SCAPER: variants seen among roughly 807,000 people sequenced by gnomAD.
SCAPER encodes the protein S-phase cyclin A associated protein in the ER, also known as S phase cyclin A-associated protein in the endoplasmic reticulum.
A neutral mutation model predicts 182.2 loss-of-function variants in SCAPER; 98 were observed. The ratio of observed to expected loss-of-function variants is 0.54; its 90% CI spans 0.46 to 0.64. SCAPER has a LOEUF of 0.64. SCAPER is among the 30% of genes least tolerant of loss of function. The pLI is 0.00. For synonymous variants in SCAPER, 605 were observed against 564.6 expected (o/e 1.07, Z -1.01); for missense variants, 1,432 against 1,690.0 (o/e 0.85, Z 2.68).
chr15:76,780,969 C>T (rs538713141), intron 8 of SCAPER, among the ~76,000 whole-genome samples: 7 of 152,106 alleles, frequency 4.6e-5, no homozygotes, highest in East Asian at 1.9e-4. Context: ...AAAACCAGAG[C>T]GCCTCTTCTC....
intron 31 of SCAPER, chr15:76,350,365 T>TG (rs1339487999): frequency 9.1e-6 from 1 of 110,334 alleles, no homozygotes; most frequent in East Asian, 2.7e-4. Context: ...TGTAGAGGAC[T>TG]TTGTGTGTGT....
At chr15:76,836,823 G>A (rs780735913) in intron 5 of SCAPER, among the ~76,000 whole-genome samples, 11 of 151,144 alleles carry the variant, frequency 7.3e-5, no homozygotes, top group African/African-American at 1.9e-4. Context: ...GTAGTGAGCC[G>A]AGATCTCACC....
chr15:76,838,354 C>T (rs35170561), intron 5 of SCAPER, among the ~76,000 whole-genome samples: 57,764 of 151,974 alleles, frequency 0.38, 13,036 homozygotes, highest in Middle Eastern at 0.53. Context: ...AGATTGAGTA[C>T]GCACAGAAAC....
intron 26 of SCAPER, among the ~76,000 whole-genome samples, chr15:76,422,884 GT>G (rs1467075961): frequency 1.2e-4 from 19 of 152,116 alleles, no homozygotes; most frequent in African/African-American, 4.6e-4. Context: ...TAATCATGTG[GT>G]TTTTGTCTTT....
At chr15:76,746,957 T>C (rs1434610635) in intron 15 of SCAPER, among the ~76,000 whole-genome samples, 1 of 152,202 alleles carries the variant, frequency 6.6e-6, no homozygotes, top group East Asian at 1.9e-4. Context: ...TAAAGATATG[T>C]AATCCCTAAC....
chr15:76,375,883 G>A (rs1028682123), intron 29 of SCAPER, among the ~76,000 whole-genome samples: 5 of 152,202 alleles, frequency 3.3e-5, no homozygotes, highest in Non-Finnish European at 5.9e-5. Flanking sequence ...TACTTGGGAG[G>A]CTGAGGCATG....
chr15:76,798,804 C>T (rs895618770), intron 7 of SCAPER, among the ~76,000 whole-genome samples: 1 of 152,018 alleles, frequency 6.6e-6, no homozygotes, highest in East Asian at 1.9e-4. Flanking sequence ...TACAAAACTG[C>T]CCTTCAAAAA....
At chr15:76,401,168 A>G (rs1205122458) in intron 27 of SCAPER, among the ~76,000 whole-genome samples, 1 of 152,140 alleles carries the variant, frequency 6.6e-6, no homozygotes, top group Non-Finnish European at 1.5e-5. Flanking sequence ...TATATCATAT[A>G]TAACAACCCT....
At chr15:76,598,657 T>C (rs2049685015) in intron 22 of SCAPER, among the ~76,000 whole-genome samples, 2 of 120,570 alleles carry the variant, frequency 1.7e-5, no homozygotes, top group African/African-American at 2.5e-5. Context: ...TACAGGGACA[T>C]AGATGAAGCT....
chr15:76,701,569 C>CAAAG (rs2058951171), intron 20 of SCAPER, among the ~76,000 whole-genome samples, 189 bp downstream of exon 20: 1 of 152,064 alleles, frequency 6.6e-6, no homozygotes, highest in Non-Finnish European at 1.5e-5. Context: ...TTTTTTCTAT[C>CAAAG]TTTCTTGTTA....
In SCAPER at chr15:76,574,211, C is replaced by T; in HGVS notation, c.2785G>A (p.Val929Met). The T allele has an allele frequency of 1.9e-6, 3 of 1,611,386 alleles. No homozygotes were observed. The highest frequency in any genetic ancestry group is 2.5e-6 in the Non-Finnish European group (3 of 1,178,808). ...QDSGSWANNK[V>M]SALDRTLGEI... The stretch of plus-strand genomic sequence containing the variant: ...CCTAGGGTCCGATCCAAAGCAGACA[C>T]TTTATTGTTTGCCCATGAGCCACTG... Residue 929 changes from valine to methionine, a missense_variant, in exon 23 of 32, where the codon GTG becomes ATG. Coordinates refer to ENST00000563290, the MANE Select transcript of SCAPER (RefSeq NM_020843.4).
At chr15:76,409,481 T>C (rs1470817450) in intron 26 of SCAPER, among the ~76,000 whole-genome samples, 1 of 152,168 alleles carries the variant, frequency 6.6e-6, no homozygotes, top group African/African-American at 2.4e-5. Flanking sequence ...GAAAGGGATA[T>C]TTAGAAACAT....
At chr15:76,719,694 T>A (rs2060092807) in intron 17 of SCAPER, among the ~76,000 whole-genome samples, 1 of 152,110 alleles carries the variant, frequency 6.6e-6, no homozygotes, top group Non-Finnish European at 1.5e-5. Context: ...AACTATTTTT[T>A]AAAAAACCTA....
intron 25 of SCAPER, among the ~76,000 whole-genome samples, chr15:76,461,570 T>A (rs527814324): frequency 1.3e-5 from 2 of 152,230 alleles, no homozygotes; most frequent in East Asian, 3.9e-4. Flanking sequence ...TTCTAGTTTT[T>A]AAATTTCTGT....
At chr15:76,784,092 A>C (rs1369314964) in intron 8 of SCAPER, among the ~76,000 whole-genome samples, 1 of 152,198 alleles carries the variant, frequency 6.6e-6, no homozygotes, top group Non-Finnish European at 1.5e-5. Flanking sequence ...AGGAAGTCAA[A>C]TTGTCCCTGT....
At position 76,799,769 on chromosome 15, in the gene SCAPER, C is replaced by T. The variant is rs8027067; in HGVS notation, c.611+479G>A. The stretch of plus-strand genomic sequence containing the variant: ...TTGCACTCAATAACCTAAGTGACAT[C>T]GGTGTATAAAATCCAGAGCAGGGTG... On this transcript the variant is annotated intron_variant, in intron 7 of 31. Transcript: ENST00000563290. Among the ~76,000 whole-genome samples, 1,193 of 152,182 alleles carry T rather than the reference C, an allele frequency of 7.8e-3. 11 individuals are homozygous for T. The highest frequency in any genetic ancestry group is 0.027 in the African/African-American group (1,133 of 41,522).
rs746131250 is a variant in SCAPER, at chr15:76,765,458, T to C, written c.1496-4A>G. 18 of 1,612,968 alleles carry C rather than the reference T, an allele frequency of 1.1e-5. No homozygotes were observed. In the South Asian group the frequency reaches 1.8e-4, roughly 16 times the overall value. ...TTTTGGCGCCAAGACTCACGAGCTG[T>C]TCAGAAAAAAATACTATTATTGTTT... is the stretch of plus-strand genomic sequence containing the variant. On this transcript the variant is annotated splice_region_variant and splice_polypyrimidine_tract_variant and intron_variant, in intron 12 of 31. Coordinates refer to ENST00000563290, the MANE Select transcript of SCAPER (RefSeq NM_020843.4).
intron 6 of SCAPER, among the ~76,000 whole-genome samples, chr15:76,802,327 T>C (rs892412658): frequency 6.6e-5 from 10 of 152,192 alleles, no homozygotes; most frequent in East Asian, 3.9e-4. Context: ...CCCTTTTTTT[T>C]CCCAACCTAT....
chr15:76,393,916 A>G (rs1201541799), intron 27 of SCAPER, among the ~76,000 whole-genome samples: 2 of 152,240 alleles, frequency 1.3e-5, no homozygotes, highest in African/African-American at 4.8e-5. Flanking sequence ...ATAAGCACTC[A>G]GATGATTCCA....
Sources: allele counts gnomAD v4.1 joint callset (sites outside exome capture counted in the v4.1 genomes callset), GRCh38; gene constraint gnomAD v4.1.1; transcripts MANE v1.5; gene names NCBI Gene and HGNC (gene_info 2026-07-23, HGNC 2026-07-21).